The following ADARB2 variants were observed in gnomAD, a reference collection of about 807,000 sequenced individuals.
The protein encoded by ADARB2 is inactive double-stranded RNA-specific editase B2.
In ADARB2, 25 loss-of-function variants were observed where a neutral mutation model predicts 62.2. The ratio of observed to expected loss-of-function variants is 0.40; its 90% CI spans 0.29 to 0.56. The LOEUF (loss-of-function observed/expected upper bound fraction) is 0.56. ADARB2 is among the 20% of genes least tolerant of loss of function. The probability of loss-of-function intolerance (pLI) is 0.43; values close to 1 mark genes in which losing one functional copy is unlikely to be tolerated. For missense variants in ADARB2, 1,071 were observed against 1,077.4 expected (o/e 0.99, Z 0.08); for synonymous variants, 572 against 500.8 (o/e 1.14, Z -1.90).
intron 1 of ADARB2, among the ~76,000 whole-genome samples, chr10:1,693,711 T>A (rs1401293408): frequency 6.6e-6 from 1 of 152,214 alleles, no homozygotes; most frequent in Admixed American, 6.5e-5. Context: ...GCCTTGTTTA[T>A]AATACTAACC....
intron 1 of ADARB2, among the ~76,000 whole-genome samples, chr10:1,529,804 G>A (rs115083968): frequency 1.8e-4 from 28 of 152,288 alleles, no homozygotes; most frequent in African/African-American, 6.7e-4. Flanking sequence ...CACGCGCAGG[G>A]CAAAGGACAG....
At chr10:1,581,352 C>T (rs1833095033) in intron 1 of ADARB2, among the ~76,000 whole-genome samples, 1 of 152,252 alleles carries the variant, frequency 6.6e-6, no homozygotes, top group Non-Finnish European at 1.5e-5. Flanking sequence ...TAGGAAGGTG[C>T]TGCCTCTGCT....
chr10:1,291,077 G>A (rs1831461685), intron 3 of ADARB2: 1 of 152,212 alleles, frequency 6.6e-6, no homozygotes, highest in Non-Finnish European at 1.5e-5. Context: ...GCCATCTAGA[G>A]AAAGAGATTC....
At chr10:1,224,313 C>T (rs544996288) in intron 6 of ADARB2, among the ~76,000 whole-genome samples, 1 of 152,154 alleles carries the variant, frequency 6.6e-6, no homozygotes. Context: ...ATTCTTCTCT[C>T]TTTTCTTCTT....
intron 1 of ADARB2, among the ~76,000 whole-genome samples, chr10:1,701,642 C>T (rs12770957): frequency 9.7e-5 from 2 of 20,694 alleles, no homozygotes; most frequent in African/African-American, 1.5e-4. Flanking sequence ...CACTCGCCAA[C>T]ACACACAATC....
chr10:1,593,935 T>G (rs1476994288), intron 1 of ADARB2, among the ~76,000 whole-genome samples: 1 of 152,170 alleles, frequency 6.6e-6, no homozygotes, highest in Non-Finnish European at 1.5e-5. Context: ...TTCGGAGAGC[T>G]GCAGGACCCA....
chr10:1,466,690 G>A (rs10903462), intron 1 of ADARB2, among the ~76,000 whole-genome samples: 63,595 of 151,924 alleles, frequency 0.42, 13,557 homozygotes, highest in Admixed American at 0.52. Flanking sequence ...CCCACCCTTG[G>A]AATTCAGTAG....
In ADARB2 at chr10:1,183,069, G is replaced by A. The variant is rs904960; in HGVS notation, c.*124C>T. The stretch of plus-strand genomic sequence containing the variant: ...TTGCTCGTCCAAACATTGCACACTC[G>A]CGTGTTTCTGGGACACCAAAGTAAA... On this transcript the variant is annotated 3_prime_UTR_variant, in exon 10 of 10. Transcript: ENST00000381312. The A allele has an allele frequency of 0.68, 740,655 of 1,094,152 alleles. 251,475 individuals are homozygous for A. The highest frequency in any genetic ancestry group is 0.76 in the Middle Eastern group (2,431 of 3,194). 67.8% of individuals were successfully genotyped at this position (1,094,152 alleles called of 1,614,324 possible). A position where few individuals can be genotyped will look rare whatever the true frequency, so the allele number is the denominator to read the frequency against.
At chr10:1,538,707 G>A (rs1018910214) in intron 1 of ADARB2, among the ~76,000 whole-genome samples, 1 of 152,216 alleles carries the variant, frequency 6.6e-6, no homozygotes, top group Admixed American at 6.5e-5. Context: ...GGGGCTCGAG[G>A]TCCTTTAGTG....
At chr10:1,267,930 TAAGAAAGGATATA>T (rs1298091789) in intron 4 of ADARB2, among the ~76,000 whole-genome samples, 1 of 152,076 alleles carries the variant, frequency 6.6e-6, no homozygotes, top group Admixed American at 6.5e-5. Context: ...ATTATGGGCA[TAAGAAAGGATATA>T]AATACCAGTG....
intron 3 of ADARB2, among the ~76,000 whole-genome samples, chr10:1,305,741 G>A (rs981376940): frequency 7.2e-5 from 11 of 152,286 alleles, no homozygotes; most frequent in African/African-American, 2.6e-4. Context: ...TGCAAGGCTG[G>A]TTCAACATAC....
At chr10:1,352,791 A>C (rs189071323) in intron 3 of ADARB2, among the ~76,000 whole-genome samples, 1 of 152,130 alleles carries the variant, frequency 6.6e-6, no homozygotes, top group Non-Finnish European at 1.5e-5. Context: ...CTGGACTTCA[A>C]TCCAGCCTCC....
At position 1,393,070 on chromosome 10, in the gene ADARB2, A is replaced by G. The variant is rs115984876; in HGVS notation, c.101-13910T>C. The stretch of plus-strand genomic sequence containing the variant: ...TGACAGGAGCTCCTAGTAGCTGTGC[A>G]TGTAGAAACATCACTTCCAACTCAT... On this transcript the variant is annotated intron_variant, in intron 1 of 9. Coordinates refer to ENST00000381312, the MANE Select transcript of ADARB2 (RefSeq NM_018702.4). 7.1e-3 allele frequency among the ~76,000 whole-genome samples: 1,082 copies of G among 152,356 alleles called. 16 individuals are homozygous for G. The highest frequency in any genetic ancestry group is 0.024 in the African/African-American group (1,010 of 41,580).
At chr10:1,560,402 G>T (rs534516997) in intron 1 of ADARB2, among the ~76,000 whole-genome samples, 1 of 152,300 alleles carries the variant, frequency 6.6e-6, no homozygotes, top group East Asian at 1.9e-4. Context: ...GCATTTCAAT[G>T]ACCCTGGTGC....
intron 3 of ADARB2, among the ~76,000 whole-genome samples, chr10:1,350,540 C>T (rs1315339640): frequency 6.6e-6 from 1 of 152,168 alleles, no homozygotes; most frequent in African/African-American, 2.4e-5. Flanking sequence ...CAGCAATTTC[C>T]TCTTAAAAAG....
Position 1,364,021 on chromosome 10 carries a change from C to G in ADARB2, c.188-104G>C, listed in dbSNP as rs1019581818. On this transcript the variant is annotated intron_variant, in intron 2 of 9. Transcript: ENST00000381312. ...TCCCCGTCCCAGCGACCTCGCCGCC[C>G]GCGCCCCCAGGTCAGGCCTGAGAAA... 4.4e-6 allele frequency: 6 copies of G among 1,368,824 alleles called. No homozygotes were observed. The East Asian group carries it at 1.7e-4, about 39-fold the overall frequency. 84.8% of individuals were successfully genotyped at this position (1,368,824 alleles called of 1,614,324 possible).
At chr10:1,321,443 C>T (rs541273376) in intron 3 of ADARB2, among the ~76,000 whole-genome samples, 8 of 152,190 alleles carry the variant, frequency 5.3e-5, no homozygotes, top group East Asian at 1.9e-4. Flanking sequence ...TGCAGTGACA[C>T]GATCCTAGCT....
intron 1 of ADARB2, among the ~76,000 whole-genome samples, chr10:1,496,088 A>G (rs111068210): frequency 0.034 from 5,107 of 151,948 alleles, 276 homozygotes; most frequent in African/African-American, 0.11. Flanking sequence ...CATCGTCATC[A>G]CCATCATCAT....
intron 1 of ADARB2, among the ~76,000 whole-genome samples, chr10:1,407,834 T>A (rs1832720021): frequency 6.6e-6 from 1 of 152,206 alleles, no homozygotes. Context: ...CCTTCCCCTC[T>A]GCATGACTGT....
Sources: gnomAD v4.1 joint callset for allele counts (sites outside exome capture counted in the v4.1 genomes callset) on GRCh38, gnomAD v4.1.1 for gene constraint, MANE v1.5 for transcripts, NCBI Gene and HGNC (gene_info 2026-07-23, HGNC 2026-07-21) for gene names.